Variants in GUCY1A2 observed in about 807,000 individuals in gnomAD.
GUCY1A2 encodes guanylate cyclase soluble subunit alpha-2.
In GUCY1A2, 27 loss-of-function variants were observed where a neutral mutation model predicts 63.5. That is an observed-to-expected ratio of 0.43 (90% CI 0.31 to 0.59). GUCY1A2 has a LOEUF of 0.59. Ranked by LOEUF, GUCY1A2 falls within the 20% of genes least tolerant of loss-of-function variation. GUCY1A2 has a pLI of 0.11. For synonymous variants in GUCY1A2, 364 were observed against 343.5 expected, an observed-to-expected ratio of 1.06 and a Z score of -0.66; for missense variants, 768 against 913.3, an observed-to-expected ratio of 0.84 and a Z score of 2.05.
chr11:106,767,271 C>G (rs1309139652), intron 6 of GUCY1A2, among the ~76,000 whole-genome samples: 1 of 152,094 alleles, frequency 6.6e-6, no homozygotes, highest in Non-Finnish European at 1.5e-5. Flanking sequence ...ATGTGAAAGT[C>G]AAGACTGTTG....
intron 6 of GUCY1A2, among the ~76,000 whole-genome samples, chr11:106,709,641 TAGA>T (rs1863036743): frequency 2.1e-5 from 2 of 94,200 alleles, no homozygotes; most frequent in African/African-American, 1.1e-4. Flanking sequence ...TATACACGTA[TAGA>T]ATATATAGTT....
At position 106,686,587 on chromosome 11, in the gene GUCY1A2, T is replaced by A. The variant is rs1274006804; in HGVS notation, c.*962A>T. 9.2e-6 allele frequency: 2 copies of A among 218,066 alleles called. No homozygotes were observed. The highest frequency in any genetic ancestry group is 1.8e-5 in the Non-Finnish European group (2 of 108,470). The allele number at this position is 218,066 out of a possible 1,614,324, so 13.5% of individuals were successfully genotyped here. On this transcript the variant is annotated 3_prime_UTR_variant, in exon 8 of 8. Transcript: ENST00000526355. ...GGGGGTAACTAACATGTCATTTAGC[T>A]GAATGCTGTTTATTAGAATGCAGTT... is the stretch of plus-strand genomic sequence containing the variant.
intron 4 of GUCY1A2, among the ~76,000 whole-genome samples, chr11:106,895,945 C>T (rs912169696): frequency 6.6e-6 from 1 of 150,732 alleles, no homozygotes; most frequent in African/African-American, 2.4e-5. Flanking sequence ...ACCTGGAAGG[C>T]GAAGGTTTCA....
chr11:106,983,188 A>T (rs996468935), intron 2 of GUCY1A2, among the ~76,000 whole-genome samples: 1 of 152,204 alleles, frequency 6.6e-6, no homozygotes, highest in Non-Finnish European at 1.5e-5. Flanking sequence ...ATTAGACCAG[A>T]ATGTCTTGGT....
chr11:106,842,310 C>A (rs749091304), intron 4 of GUCY1A2, among the ~76,000 whole-genome samples: 7 of 151,922 alleles, frequency 4.6e-5, no homozygotes, highest in Non-Finnish European at 8.8e-5. Context: ...AGATTGCCCA[C>A]AACTTTGTTA....
chr11:106,837,136 C>T (rs1423376330), intron 4 of GUCY1A2, among the ~76,000 whole-genome samples: 1 of 151,906 alleles, frequency 6.6e-6, no homozygotes, highest in Non-Finnish European at 1.5e-5. Flanking sequence ...TTCTGATCCT[C>T]TCCCACCTCC....
At chr11:106,882,407 G>A (rs1859836690) in intron 4 of GUCY1A2, among the ~76,000 whole-genome samples, 2 of 152,100 alleles carry the variant, frequency 1.3e-5, no homozygotes, top group South Asian at 2.1e-4. Flanking sequence ...CTTCCAAAAT[G>A]TTCTTGTAAG....
At chr11:106,927,631 C>T (rs1360323685) in intron 4 of GUCY1A2, among the ~76,000 whole-genome samples, 1 of 151,342 alleles carries the variant, frequency 6.6e-6, no homozygotes, top group East Asian at 2.0e-4. Context: ...GTGGTGCCAT[C>T]TCGGCTCACT....
intron 7 of GUCY1A2, among the ~76,000 whole-genome samples, chr11:106,699,374 T>C (rs1862778041): frequency 6.6e-6 from 1 of 152,242 alleles, no homozygotes; most frequent in African/African-American, 2.4e-5. Context: ...TTAGATAATG[T>C]GGAAAATTTA....
chr11:106,974,022 C>G (rs1301009017), intron 3 of GUCY1A2, among the ~76,000 whole-genome samples: 1 of 151,882 alleles, frequency 6.6e-6, no homozygotes, highest in African/African-American at 2.4e-5. Context: ...CCAGTTCGTG[C>G]AGCTAGTAAG....
intron 4 of GUCY1A2, among the ~76,000 whole-genome samples, chr11:106,839,791 C>T (rs1043789501): frequency 7.1e-6 from 1 of 141,628 alleles, no homozygotes; most frequent in East Asian, 2.1e-4. Flanking sequence ...TTCTCACTCA[C>T]AGGTGGGAAT....
intron 7 of GUCY1A2, among the ~76,000 whole-genome samples, chr11:106,700,035 G>A (rs1036251783): frequency 1.3e-5 from 2 of 151,700 alleles, no homozygotes; most frequent in African/African-American, 2.4e-5. Context: ...CGCCCGCCTC[G>A]GCCTCCCAGG....
At chr11:106,989,534 A>C (rs1040624596) in intron 1 of GUCY1A2, among the ~76,000 whole-genome samples, 6 of 152,178 alleles carry the variant, frequency 3.9e-5, no homozygotes, top group African/African-American at 1.4e-4. Flanking sequence ...AGATATGGCT[A>C]TGCTAAGCTG....
At chr11:106,719,266 G>A (rs183091638) in intron 6 of GUCY1A2, among the ~76,000 whole-genome samples, 1 of 152,080 alleles carries the variant, frequency 6.6e-6, no homozygotes, top group Admixed American at 6.5e-5. Flanking sequence ...CTGTCAAAAT[G>A]CAGCTCTTAA....
chr11:106,782,299 G>T (rs1406729796), intron 5 of GUCY1A2, among the ~76,000 whole-genome samples: 1 of 152,240 alleles, frequency 6.6e-6, no homozygotes, highest in African/African-American at 2.4e-5. Flanking sequence ...GTTCTAGGGT[G>T]CTCTGGTGCC....
At chr11:106,760,814 A>C (rs1426747426) in intron 6 of GUCY1A2, among the ~76,000 whole-genome samples, 2 of 152,334 alleles carry the variant, frequency 1.3e-5, no homozygotes, top group African/African-American at 4.8e-5. Flanking sequence ...GGAGAAAAAA[A>C]TCCACGTCAA....
At chr11:106,730,448 A>T (rs1176915556) in intron 6 of GUCY1A2, among the ~76,000 whole-genome samples, 2 of 151,996 alleles carry the variant, frequency 1.3e-5, no homozygotes, top group Non-Finnish European at 2.9e-5. Flanking sequence ...ACAAGCTCTC[A>T]TTCTTTTTTT....
chr11:106,762,930 GTGCAGTTGTAGGCATTGCC>G (rs1174640666), intron 6 of GUCY1A2, among the ~76,000 whole-genome samples: 2 of 151,924 alleles, frequency 1.3e-5, no homozygotes, highest in Non-Finnish European at 2.9e-5. Flanking sequence ...TTTTTATTCT[GTGCAGTTGTAGGCATTGCC>G]TGCTGATTAT....
At chr11:107,001,680 C>G (rs1158886511) in intron 1 of GUCY1A2, among the ~76,000 whole-genome samples, 2 of 149,362 alleles carry the variant, frequency 1.3e-5, no homozygotes, top group African/African-American at 5.1e-5. Flanking sequence ...GTGTGGTATA[C>G]TTAAAAAAAA....
Sources: gnomAD v4.1 joint callset for allele counts (sites outside exome capture counted in the v4.1 genomes callset) on GRCh38, gnomAD v4.1.1 for gene constraint, MANE v1.5 for transcripts, NCBI Gene and HGNC (gene_info 2026-07-23, HGNC 2026-07-21) for gene names.